The following TNKS variants were observed in gnomAD, a reference collection of about 807,000 sequenced individuals.
TNKS encodes tankyrase.
Under a neutral mutation model 135.8 loss-of-function variants are expected in TNKS, and 72 were observed. The ratio of observed to expected loss-of-function variants is 0.53; its 90% CI spans 0.44 to 0.64. TNKS has a LOEUF of 0.64. Ranked by LOEUF, TNKS falls within the 30% of genes least tolerant of loss-of-function variation. The pLI, the probability that TNKS is intolerant of heterozygous loss-of-function variation, is 0.00. For synonymous variants in TNKS, 849 were observed against 649.3 expected (o/e 1.31, Z -4.68); for missense variants, 1,769 against 1,674.0 (o/e 1.06, Z -0.99).
At chr8:9,659,589 T>A (rs1801596152) in intron 3 of TNKS, among the ~76,000 whole-genome samples, 1 of 151,712 alleles carries the variant, frequency 6.6e-6, no homozygotes, top group Non-Finnish European at 1.5e-5. Context: ...CAAAGCAGTG[T>A]GTAGAGGGAA....
At chr8:9,716,210 G>A (rs1804591705) in intron 11 of TNKS, among the ~76,000 whole-genome samples, 1 of 152,104 alleles carries the variant, frequency 6.6e-6, no homozygotes, top group Non-Finnish European at 1.5e-5. Context: ...ACATTTAGAA[G>A]CGATCACGAG....
In TNKS at chr8:9,575,156, G is replaced by A. The variant is rs1358100779; in HGVS notation, c.674-5003G>A. 2.5e-5 allele frequency: 20 copies of A among 813,192 alleles called. 1 individual carries two copies. The highest frequency in any genetic ancestry group is 3.0e-5 in the Non-Finnish European group (20 of 673,018). The allele number at this position is 813,192 out of a possible 1,614,324, so 50.4% of individuals were successfully genotyped here. A position where few individuals can be genotyped will look rare whatever the true frequency, so the allele number is the denominator to read the frequency against. On this transcript the variant is annotated intron_variant, in intron 1 of 26. Coordinates refer to ENST00000310430, the MANE Select transcript of TNKS (RefSeq NM_003747.3). Reference sequence around the variant, plus strand: ...GGCTGGAGTATAGGGGCGCGATCTCGGCTCATTGCAAGCTCCGCCTCCCGG... The same window carrying A: ...GGCTGGAGTATAGGGGCGCGATCTCAGCTCATTGCAAGCTCCGCCTCCCGG...
intron 17 of TNKS, among the ~76,000 whole-genome samples, chr8:9,740,183 GTAACTA>G (rs1805863343): frequency 6.6e-6 from 1 of 151,548 alleles, no homozygotes; most frequent in Non-Finnish European, 1.5e-5. Context: ...CTGACTGGAA[GTAACTA>G]AGGCCCACTC....
At chr8:9,568,050 G>A (rs1186522382) in intron 1 of TNKS, among the ~76,000 whole-genome samples, 1 of 152,188 alleles carries the variant, frequency 6.6e-6, no homozygotes, top group Non-Finnish European at 1.5e-5. Flanking sequence ...TTAATAGACT[G>A]AATCTCTGCA....
rs117866587 is a variant in TNKS, at chr8:9,731,067, A to G, written c.2147+32A>G. 2,984 of 1,531,780 alleles carry G rather than the reference A, an allele frequency of 1.9e-3. 127 individuals carry two copies. In the East Asian group the frequency reaches 0.059, roughly 30 times the overall value. The allele number at this position is 1,531,780 out of a possible 1,614,324, so 94.9% of individuals were successfully genotyped here. On this transcript the variant is annotated intron_variant, in intron 14 of 26. Transcript: ENST00000310430. ...GTTAGAAGTTAGCTGTTTGGGAGTC[A>G]TTCTCTTCATGCTTAAAAAATTTAA...
intron 2 of TNKS, among the ~76,000 whole-genome samples, chr8:9,614,257 C>T (rs562980611): frequency 1.3e-5 from 2 of 152,308 alleles, no homozygotes; most frequent in Non-Finnish European, 2.9e-5. Flanking sequence ...ACTCTTGAAT[C>T]AGTTTATAAA....
intron 3 of TNKS, among the ~76,000 whole-genome samples, chr8:9,623,319 A>G (rs182784469): frequency 2.4e-4 from 37 of 152,320 alleles, no homozygotes; most frequent in Admixed American, 6.5e-4. Flanking sequence ...AATAATGTCA[A>G]TAGACCTTAA....
intron 3 of TNKS, among the ~76,000 whole-genome samples, chr8:9,665,311 A>C (rs560005945): frequency 6.6e-6 from 1 of 152,182 alleles, no homozygotes. Context: ...TTGAGGGGAG[A>C]AGGGCTCTAA....
At chr8:9,640,336 G>A (rs570172142) in intron 3 of TNKS, among the ~76,000 whole-genome samples, 2 of 151,142 alleles carry the variant, frequency 1.3e-5, no homozygotes, top group African/African-American at 2.4e-5. Flanking sequence ...TCATGAGAGC[G>A]GAGCCCTCAT....
intron 3 of TNKS, among the ~76,000 whole-genome samples, chr8:9,656,875 G>A (rs9692731): frequency 7.5e-6 from 1 of 134,080 alleles, no homozygotes; most frequent in African/African-American, 2.9e-5. Flanking sequence ...ATCTTGCACC[G>A]CCCTTAATCC....
chr8:9,610,176 GTT>G (rs34659928), intron 2 of TNKS, among the ~76,000 whole-genome samples: 43,678 of 151,836 alleles, frequency 0.29, 6,563 homozygotes, highest in East Asian at 0.38. Flanking sequence ...CATAGTTACT[GTT>G]AGTGGTAAAT....
At chr8:9,665,299 T>G (rs1801935223) in intron 3 of TNKS, among the ~76,000 whole-genome samples, 1 of 152,222 alleles carries the variant, frequency 6.6e-6, no homozygotes, top group Admixed American at 6.5e-5. Flanking sequence ...AGTTGACTGT[T>G]TTTGAGGGGA....
chr8:9,571,684 C>T (rs1032757195), intron 1 of TNKS, among the ~76,000 whole-genome samples: 12 of 152,142 alleles, frequency 7.9e-5, no homozygotes, highest in African/African-American at 2.9e-4. Context: ...TTCTCGATCT[C>T]CTGACCTCAT....
At chr8:9,702,178 G>A (rs1019461350) in intron 5 of TNKS, among the ~76,000 whole-genome samples, 44 of 152,312 alleles carry the variant, frequency 2.9e-4, no homozygotes, top group Non-Finnish European at 4.3e-4. Context: ...ATTCCCTAGT[G>A]AGAGTAATAG....
chr8:9,753,900 G>C (rs906837230), intron 20 of TNKS, among the ~76,000 whole-genome samples: 3 of 152,192 alleles, frequency 2.0e-5, no homozygotes, highest in Non-Finnish European at 4.4e-5. Flanking sequence ...TATGTATTCA[G>C]TTTCAGAGGA....
In TNKS at chr8:9,581,991, T is replaced by C. The variant is rs142198549; in HGVS notation, c.898+1608T>C. Among the ~76,000 whole-genome samples the C allele has an allele frequency of 1.8e-3, 271 of 152,352 alleles. 3 individuals carry two copies. Among genetic ancestry groups the C allele is most frequent in the African/African-American group, 6.1e-3 (252 of 41,592 alleles). On this transcript the variant is annotated intron_variant, in intron 2 of 26. Transcript: ENST00000310430. ...GCTTTGGCACATATTGTCTTCATTC[T>C]GTTTAAGTTCTTGTGCCTTATAAAA... is the stretch of plus-strand genomic sequence containing the variant.
chr8:9,769,554 G>C (rs1277766906), intron 25 of TNKS, among the ~76,000 whole-genome samples: 3 of 144,228 alleles, frequency 2.1e-5, no homozygotes, highest in African/African-American at 5.1e-5. Context: ...CAAGGGCTCA[G>C]TTTTTTCTCT....
intron 5 of TNKS, among the ~76,000 whole-genome samples, chr8:9,702,078 A>G (rs918096071): frequency 6.6e-6 from 1 of 152,220 alleles, no homozygotes; most frequent in Non-Finnish European, 1.5e-5. Flanking sequence ...GTCCTACACT[A>G]AAGGCTGCTC....
intron 2 of TNKS, among the ~76,000 whole-genome samples, chr8:9,595,299 G>T (rs1186552435): frequency 1.3e-5 from 2 of 151,934 alleles, no homozygotes; most frequent in African/African-American, 4.8e-5. Context: ...ACAAGTCTCA[G>T]TGTAGCATTT....
Sources: allele counts gnomAD v4.1 joint callset (sites outside exome capture counted in the v4.1 genomes callset), GRCh38; gene constraint gnomAD v4.1.1; transcripts MANE v1.5; gene names NCBI Gene and HGNC (gene_info 2026-07-23, HGNC 2026-07-21).